Variants in MCTP2 observed in about 807,000 individuals in gnomAD.
MCTP2 encodes multiple C2 and transmembrane domain containing 2, also known as multiple C2 and transmembrane domain-containing protein 2.
A neutral mutation model predicts 111.6 loss-of-function variants in MCTP2; 132 were observed. The ratio of observed to expected loss-of-function variants is 1.18; its 90% CI spans 1.03 to 1.37. The LOEUF is 1.37. Among genes scored for constraint, MCTP2 ranks in the 40% most tolerant of loss-of-function variants. The pLI, the probability that MCTP2 is intolerant of heterozygous loss-of-function variation, is 0.00. For missense variants in MCTP2, 1,183 were observed against 1,067.9 expected, an observed-to-expected ratio of 1.11 and a Z score of -1.50; for synonymous variants, 395 against 387.7, an observed-to-expected ratio of 1.02 and a Z score of -0.22.
At chr15:94,403,123 G>A (rs772927696) in intron 17 of MCTP2, 42 of 986,538 alleles carry the variant, frequency 4.3e-5, no homozygotes, top group East Asian at 1.1e-4. Flanking sequence ...GTTTGCTGTC[G>A]TTTATTTTAG....
intron 19 of MCTP2, among the ~76,000 whole-genome samples, chr15:94,453,499 C>T (rs2084600384): frequency 6.6e-6 from 1 of 152,138 alleles, no homozygotes; most frequent in Non-Finnish European, 1.5e-5. Flanking sequence ...ACTGCCTATT[C>T]AGAATGGTTA....
intron 1 of MCTP2, among the ~76,000 whole-genome samples, chr15:94,242,904 T>C (rs1367901708): frequency 6.7e-6 from 1 of 148,434 alleles, no homozygotes; most frequent in Non-Finnish European, 1.5e-5. Context: ...TGTATATATA[T>C]GTATACACAT....
chr15:94,428,361 C>T (rs891117257), intron 17 of MCTP2, among the ~76,000 whole-genome samples: 1 of 152,152 alleles, frequency 6.6e-6, no homozygotes, highest in African/African-American at 2.4e-5. Context: ...GGAATAAAGT[C>T]ACTCAAATTA....
intron 3 of MCTP2, among the ~76,000 whole-genome samples, 170 bp from the exon 4 acceptor site, chr15:94,315,359 C>A (rs1206195149): frequency 6.6e-6 from 1 of 152,150 alleles, no homozygotes; most frequent in Admixed American, 6.5e-5. Context: ...ATGTAAGGGA[C>A]TTTTTAATAA....
At chr15:94,310,316 T>C (rs2076066500) in intron 2 of MCTP2, among the ~76,000 whole-genome samples, 1 of 152,198 alleles carries the variant, frequency 6.6e-6, no homozygotes, top group South Asian at 2.1e-4. Context: ...GTTGGAAGAT[T>C]TGACCACAGA....
At chr15:94,241,325 TAAG>T (rs2070937154) in intron 1 of MCTP2, among the ~76,000 whole-genome samples, 1 of 152,316 alleles carries the variant, frequency 6.6e-6, no homozygotes, top group Non-Finnish European at 1.5e-5. Context: ...TTCATTCCAA[TAAG>T]AAGCCATTTT....
At chr15:94,323,225 G>A (rs1459253145) in intron 4 of MCTP2, among the ~76,000 whole-genome samples, 1 of 152,178 alleles carries the variant, frequency 6.6e-6, no homozygotes, top group Non-Finnish European at 1.5e-5. Flanking sequence ...CAATGGGCAG[G>A]TTTAGCAATG....
chr15:94,365,117 A>T (rs2079117378), intron 10 of MCTP2, among the ~76,000 whole-genome samples: 1 of 152,214 alleles, frequency 6.6e-6, no homozygotes, highest in Non-Finnish European at 1.5e-5. Flanking sequence ...GTCATAACCC[A>T]TGTCCAGAAA....
In MCTP2 at chr15:94,363,305, A is replaced by G. The variant is rs2079032982; in HGVS notation, c.1302-4300A>G. On this transcript the variant is annotated intron_variant, in intron 10 of 22. Coordinates refer to ENST00000357742, the MANE Select transcript of MCTP2 (RefSeq NM_001385001.1). ...GGGCACTGATGAGCCTCGGGCTACT[A>G]CAAGTAAGCAGGCAGTGGCAGTAGG... is the stretch of plus-strand genomic sequence containing the variant. Among the ~76,000 whole-genome samples the G allele has an allele frequency of 2.6e-5, 4 of 152,146 alleles. No homozygotes were observed. The South Asian group carries it at 8.3e-4, about 31-fold the overall frequency.
intron 4 of MCTP2, among the ~76,000 whole-genome samples, chr15:94,318,272 A>ATTTTTT (rs199556945): frequency 1.4e-5 from 2 of 143,130 alleles, no homozygotes; most frequent in African/African-American, 2.6e-5. Flanking sequence ...CAAAAAAAAA[A>ATTTTTT]TTTTTTTTTT....
At chr15:94,413,476 G>A (rs1596631797) in intron 17 of MCTP2, among the ~76,000 whole-genome samples, 1 of 151,520 alleles carries the variant, frequency 6.6e-6, no homozygotes, top group East Asian at 1.9e-4. Context: ...TTAACCTGCA[G>A]CTAAAATTTG....
intron 1 of MCTP2, among the ~76,000 whole-genome samples, chr15:94,264,999 T>C (rs780243269): frequency 2.0e-5 from 3 of 152,176 alleles, no homozygotes; most frequent in Non-Finnish European, 4.4e-5. Flanking sequence ...TTTCTGGAAC[T>C]GAATAATTAT....
intron 4 of MCTP2, among the ~76,000 whole-genome samples, chr15:94,334,022 A>G (rs2077244794): frequency 6.6e-6 from 1 of 152,238 alleles, no homozygotes; most frequent in Non-Finnish European, 1.5e-5. Context: ...ATTAGTGTAC[A>G]TTAACTTGGA....
chr15:94,264,391 G>C (rs945383207), intron 1 of MCTP2, among the ~76,000 whole-genome samples: 1 of 151,990 alleles, frequency 6.6e-6, no homozygotes, highest in Non-Finnish European at 1.5e-5. Context: ...GGTGGATCAC[G>C]AGGTCAGGAG....
At chr15:94,268,031 A>G (rs1399026112) in intron 1 of MCTP2, among the ~76,000 whole-genome samples, 6 of 150,030 alleles carry the variant, frequency 4.0e-5, no homozygotes, top group African/African-American at 7.4e-5. Context: ...ACACCTGGCT[A>G]ATTTTTTGCA....
chr15:94,416,911 G>A (rs2082402775), intron 17 of MCTP2, among the ~76,000 whole-genome samples: 1 of 152,120 alleles, frequency 6.6e-6, no homozygotes. Flanking sequence ...CTACCCCGAA[G>A]GCTGTTTTTA....
At position 94,367,709 on chromosome 15, in the gene MCTP2, C is replaced by T; in HGVS notation, c.1406C>T (p.Pro469Leu). ...CTCCTTATGTTGGTCACACTTACAC[C>T]CTGTGCGGGGGTCTCCGTCTCTGAT... ...GALLMLVTLT[P>L]CAGVSVSDLC... The change falls in exon 11 of 23, where the codon CCC (proline) becomes CTC (leucine). Residue 469 changes from proline to leucine, a missense_variant. By Grantham distance (98) the Pro-to-Leu change is moderately conservative (BLOSUM62 -3). Coordinates refer to ENST00000357742, the MANE Select transcript of MCTP2 (RefSeq NM_001385001.1). The T allele has an allele frequency of 1.2e-6, 2 of 1,610,518 alleles. No individual in the cohort carries two copies. The highest frequency in any genetic ancestry group is 1.7e-6 in the Non-Finnish European group (2 of 1,178,630).
Position 94,483,669 on chromosome 15 carries a change from A to G in MCTP2, c.*4635A>G, listed in dbSNP as rs1301798414. On this transcript the variant is annotated 3_prime_UTR_variant, in exon 23 of 23. Transcript: ENST00000357742. ...AGTTAAATGATGAGAACACATGGAC[A>G]TGTAGAAGGGAACAAAATACACTGG... The G allele has an allele frequency of 6.6e-6, 1 of 152,190 alleles. No individual in the cohort carries two copies. The highest frequency in any genetic ancestry group is 1.5e-5 in the Non-Finnish European group (1 of 68,032). 9.4% of individuals were successfully genotyped at this position (152,190 alleles called of 1,614,324 possible). A position where few individuals can be genotyped will look rare whatever the true frequency, so the allele number is the denominator to read the frequency against.
intron 17 of MCTP2, among the ~76,000 whole-genome samples, chr15:94,439,035 T>A (rs1259161023): frequency 6.6e-6 from 1 of 152,182 alleles, no homozygotes; most frequent in African/African-American, 2.4e-5. Context: ...TGAAATAAAC[T>A]ATTTGATACA....
Sources: gnomAD v4.1 joint callset for allele counts (sites outside exome capture counted in the v4.1 genomes callset) on GRCh38, gnomAD v4.1.1 for gene constraint, MANE v1.5 for transcripts, NCBI Gene and HGNC (gene_info 2026-07-23, HGNC 2026-07-21) for gene names.